Variants in NEGR1 observed in about 807,000 individuals in gnomAD.
The protein encoded by NEGR1 is neuronal growth regulator 1.
A neutral mutation model predicts 40.9 loss-of-function variants in NEGR1; 10 were observed. The observed-to-expected ratio is 0.24, with a 90% CI of 0.15 to 0.42. The LOEUF is 0.42. Ranked by LOEUF, NEGR1 falls within the 10% of genes least tolerant of loss-of-function variation. The probability of loss-of-function intolerance (pLI) is 1.00; values close to 1 mark genes in which losing one functional copy is unlikely to be tolerated. For synonymous variants in NEGR1, 185 were observed against 166.8 expected, an observed-to-expected ratio of 1.11 and a Z score of -0.84; for missense variants, 352 against 438.9, an observed-to-expected ratio of 0.80 and a Z score of 1.77.
chr1:71,593,575 T>C (rs1649577394), intron 5 of NEGR1, among the ~76,000 whole-genome samples: 1 of 152,146 alleles, frequency 6.6e-6, no homozygotes, highest in Non-Finnish European at 1.5e-5. Context: ...CTGTCACATT[T>C]TAGGAATGTG....
chr1:71,588,235 A>C (rs372673246), intron 6 of NEGR1, among the ~76,000 whole-genome samples: 15 of 152,260 alleles, frequency 9.9e-5, no homozygotes, highest in Admixed American at 8.5e-4. Flanking sequence ...ATGTTCAGGA[A>C]GCAAAAAACG....
intron 4 of NEGR1, among the ~76,000 whole-genome samples, chr1:71,687,645 T>G (rs1653082580): frequency 6.6e-6 from 1 of 152,348 alleles, no homozygotes; most frequent in South Asian, 2.1e-4. Context: ...CTGCACTTTA[T>G]TTCAGTGTCA....
At chr1:71,678,376 A>G (rs927089258) in intron 4 of NEGR1, among the ~76,000 whole-genome samples, 1 of 152,206 alleles carries the variant, frequency 6.6e-6, no homozygotes, top group East Asian at 1.9e-4. Context: ...TTTGTCAGTT[A>G]ATTATATGTC....
At chr1:71,909,983 G>C (rs1407633136) in intron 2 of NEGR1, among the ~76,000 whole-genome samples, 1 of 152,138 alleles carries the variant, frequency 6.6e-6, no homozygotes, top group East Asian at 1.9e-4. Context: ...TACGATTATA[G>C]CTTACAGGAA....
intron 1 of NEGR1, among the ~76,000 whole-genome samples, chr1:72,090,148 A>G (rs1648408935): frequency 6.6e-6 from 1 of 152,036 alleles, no homozygotes; most frequent in Non-Finnish European, 1.5e-5. Flanking sequence ...AAATATACCT[A>G]TGAGCAGAAG....
At chr1:71,848,268 A>G (rs542627240) in intron 2 of NEGR1, among the ~76,000 whole-genome samples, 10 of 152,350 alleles carry the variant, frequency 6.6e-5, no homozygotes, top group Non-Finnish European at 1.0e-4. Context: ...CATGAACTAA[A>G]TAACATCGTT....
intron 2 of NEGR1, among the ~76,000 whole-genome samples, chr1:71,842,991 C>T (rs1008390173): frequency 1.3e-5 from 2 of 152,052 alleles, no homozygotes; most frequent in Non-Finnish European, 2.9e-5. Context: ...TTTTAAAAAA[C>T]TTAACTTCTT....
chr1:72,172,339 T>C (rs1651993746), intron 1 of NEGR1, among the ~76,000 whole-genome samples: 1 of 151,990 alleles, frequency 6.6e-6, no homozygotes, highest in Non-Finnish European at 1.5e-5. Flanking sequence ...AATGTACTCT[T>C]CTTCAAAAAA....
chr1:71,772,978 A>G (rs1464598759), intron 3 of NEGR1, among the ~76,000 whole-genome samples: 1 of 152,232 alleles, frequency 6.6e-6, no homozygotes, highest in African/African-American at 2.4e-5. Flanking sequence ...ATAATCATTG[A>G]TAAGGTGAAC....
intron 2 of NEGR1, among the ~76,000 whole-genome samples, chr1:71,897,198 C>G (rs1285915936): frequency 1.3e-5 from 2 of 151,968 alleles, no homozygotes; most frequent in Admixed American, 1.3e-4. Context: ...GTATTATTGT[C>G]TCTGTTTTCC....
intron 1 of NEGR1, among the ~76,000 whole-genome samples, chr1:72,120,308 TAGAA>T (rs1649748844): frequency 6.6e-6 from 1 of 151,984 alleles, no homozygotes; most frequent in Non-Finnish European, 1.5e-5. Context: ...TATTTTATAA[TAGAA>T]AGAATTATTT....
intron 3 of NEGR1, among the ~76,000 whole-genome samples, chr1:71,749,071 G>A (rs1253865143): frequency 2.0e-5 from 3 of 152,110 alleles, no homozygotes; most frequent in Non-Finnish European, 1.5e-5. Flanking sequence ...ATTCTTTGAT[G>A]CTTTCTATCA....
chr1:71,838,311 A>T (rs2101799418), intron 2 of NEGR1, among the ~76,000 whole-genome samples: 1 of 152,288 alleles, frequency 6.6e-6, no homozygotes, highest in East Asian at 1.9e-4. Flanking sequence ...TTTTAAATAT[A>T]ACCATGTAAG....
rs545386348 is a variant in NEGR1 at position 71,720,935 on chromosome 1, T to C, written c.536-22796A>G. On this transcript the variant is annotated intron_variant, in intron 3 of 6. Transcript: ENST00000357731. ...CTTGGAACAATGAGGCCAATAATCATTTCCCTAGAGAAAACATCAGTCAGC... is the reference window on the plus strand; with the variant it reads ...CTTGGAACAATGAGGCCAATAATCACTTCCCTAGAGAAAACATCAGTCAGC... Among the ~76,000 whole-genome samples, 327 of 152,274 alleles carry C rather than the reference T, an allele frequency of 2.1e-3. 3 individuals are homozygous for C. The highest frequency in any genetic ancestry group is 4.0e-3 in the Non-Finnish European group (272 of 68,002).
intron 6 of NEGR1, among the ~76,000 whole-genome samples, chr1:71,455,782 A>G (rs551531035): frequency 3.9e-5 from 6 of 152,226 alleles, no homozygotes; most frequent in South Asian, 2.1e-4. Flanking sequence ...TTACATTTTT[A>G]TGTCTCCAAG....
chr1:72,128,864 A>T (rs564806387), intron 1 of NEGR1, among the ~76,000 whole-genome samples: 1 of 152,292 alleles, frequency 6.6e-6, no homozygotes, highest in South Asian at 2.1e-4. Flanking sequence ...ATGAGTGGGT[A>T]TCATTCAAAA....
intron 1 of NEGR1, among the ~76,000 whole-genome samples, chr1:71,959,212 A>G (rs1328628402): frequency 2.0e-5 from 3 of 152,080 alleles, no homozygotes; most frequent in Admixed American, 6.6e-5. Flanking sequence ...TCTACCTAAA[A>G]TCTATATATA....
chr1:71,483,512 A>G lies in NEGR1; in HGVS notation c.941-75942T>C, dbSNP rs1003749771. ...TGACTGAACTGCACTCCAATGAGGC[A>G]TTTGTGTGTGTATGTACATGTGCAT... is the stretch of plus-strand genomic sequence containing the variant. On this transcript the variant is annotated intron_variant, in intron 6 of 6. Transcript: ENST00000357731. 2.0e-5 allele frequency among the ~76,000 whole-genome samples: 3 copies of G among 151,894 alleles called. No homozygotes were observed. In the East Asian group the frequency reaches 5.8e-4, roughly 30 times the overall value.
At chr1:71,718,359 C>T (rs906578851) in intron 3 of NEGR1, among the ~76,000 whole-genome samples, 27 of 152,146 alleles carry the variant, frequency 1.8e-4, no homozygotes, top group African/African-American at 6.3e-4. Flanking sequence ...CTGTGATGTG[C>T]CTGTTCCCCC....
Sources: allele counts gnomAD v4.1 joint callset (sites outside exome capture counted in the v4.1 genomes callset), GRCh38; gene constraint gnomAD v4.1.1; transcripts MANE v1.5; gene names NCBI Gene and HGNC (gene_info 2026-07-23, HGNC 2026-07-21).